CTNNA3: variants seen among roughly 807,000 people sequenced by gnomAD.
The protein encoded by CTNNA3 is catenin alpha-3.
CTNNA3 carries 76 observed loss-of-function variants against 95.7 expected under a neutral mutation model. That is an observed-to-expected ratio of 0.79 (90% CI 0.66 to 0.96). The LOEUF (loss-of-function observed/expected upper bound fraction) is 0.96. Ranked by LOEUF, CTNNA3 falls within the 40% of genes least tolerant of loss-of-function variation. The pLI is 0.00. For synonymous variants in CTNNA3, 431 were observed against 374.4 expected (o/e 1.15, Z -1.74); for missense variants, 1,191 against 1,089.8 (o/e 1.09, Z -1.31).
At chr10:67,333,051 A>C (rs1841857452) in intron 5 of CTNNA3, among the ~76,000 whole-genome samples, 1 of 152,238 alleles carries the variant, frequency 6.6e-6, no homozygotes, top group Non-Finnish European at 1.5e-5. Flanking sequence ...GATCAGAAAG[A>C]ATAGTCTACA....
intron 9 of CTNNA3, among the ~76,000 whole-genome samples, chr10:66,673,849 G>GT (rs2132479495): frequency 6.6e-6 from 1 of 152,108 alleles, no homozygotes; most frequent in South Asian, 2.1e-4. Flanking sequence ...CAAATTTAGA[G>GT]TGTCAGATTA....
intron 7 of CTNNA3, among the ~76,000 whole-genome samples, chr10:67,134,315 T>C (rs1195976536): frequency 6.6e-6 from 1 of 151,918 alleles, no homozygotes; most frequent in African/African-American, 2.4e-5. Context: ...CATTGAAAAA[T>C]GTAGAGAAGT....
chr10:66,378,170 T>C (rs1160131740), intron 12 of CTNNA3, among the ~76,000 whole-genome samples: 2 of 152,162 alleles, frequency 1.3e-5, no homozygotes, highest in African/African-American at 2.4e-5. Context: ...TTTCTCTTAA[T>C]TCATTTCAAG....
chr10:66,917,091 C>A (rs1031042632), intron 7 of CTNNA3, among the ~76,000 whole-genome samples: 2 of 152,196 alleles, frequency 1.3e-5, no homozygotes, highest in Non-Finnish European at 2.9e-5. Flanking sequence ...ACCATCTCAT[C>A]AACAAGAATG....
intron 13 of CTNNA3, among the ~76,000 whole-genome samples, chr10:66,159,342 A>G (rs1438876286): frequency 1.3e-5 from 2 of 151,924 alleles, no homozygotes; most frequent in Non-Finnish European, 2.9e-5. Context: ...TTGTATGCCA[A>G]TTTTGCTTTG....
intron 1 of CTNNA3, among the ~76,000 whole-genome samples, chr10:67,654,123 A>G (rs1472128088): frequency 1.3e-5 from 2 of 152,202 alleles, no homozygotes; most frequent in Non-Finnish European, 2.9e-5. Context: ...AGAACAGGCC[A>G]TGTGTCAGGG....
chr10:66,231,025 A>C (rs956335303), intron 13 of CTNNA3, among the ~76,000 whole-genome samples: 1 of 152,108 alleles, frequency 6.6e-6, no homozygotes, highest in Non-Finnish European at 1.5e-5. Context: ...TTCTCTAAAA[A>C]TGGGGCCATG....
intron 1 of CTNNA3, among the ~76,000 whole-genome samples, chr10:67,702,997 C>A (rs1382551406): frequency 6.6e-6 from 1 of 152,186 alleles, no homozygotes; most frequent in Non-Finnish European, 1.5e-5. Context: ...ACTACAAACA[C>A]CTCTACGCAA....
chr10:67,583,962 A>C (rs936619392), intron 3 of CTNNA3, among the ~76,000 whole-genome samples: 14 of 152,106 alleles, frequency 9.2e-5, no homozygotes, highest in Non-Finnish European at 1.9e-4. Flanking sequence ...CCATTTGTCT[A>C]ATCTTTTTTC....
At chr10:67,178,856 A>G (rs1021067747) in intron 7 of CTNNA3, among the ~76,000 whole-genome samples, 41 of 152,064 alleles carry the variant, frequency 2.7e-4, no homozygotes, top group African/African-American at 9.9e-4. Flanking sequence ...TTAAGAATAT[A>G]TTATATGCTA....
chr10:67,277,221 A>G (rs1306841371), intron 5 of CTNNA3, among the ~76,000 whole-genome samples: 4 of 152,144 alleles, frequency 2.6e-5, no homozygotes, highest in African/African-American at 9.7e-5. Flanking sequence ...TACCATGGCA[A>G]TCCCTGTGGT....
At position 66,948,662 on chromosome 10, in the gene CTNNA3, G is replaced by A. The variant is rs571534979; in HGVS notation, c.1048-173138C>T. Among the ~76,000 whole-genome samples, 5 of 152,246 alleles carry A rather than the reference G, an allele frequency of 3.3e-5. No individual in the cohort carries two copies. In the East Asian group the frequency reaches 7.7e-4, roughly 23 times the overall value. ...AGGAAGAATACCACAAGGACATGGGGTGTTCTATCCTGGACTGGTAAACCA... is the reference window on the plus strand; with the variant it reads ...AGGAAGAATACCACAAGGACATGGGATGTTCTATCCTGGACTGGTAAACCA... On this transcript the variant is annotated intron_variant, in intron 7 of 17. Coordinates refer to ENST00000433211, the MANE Select transcript of CTNNA3 (RefSeq NM_013266.4).
chr10:67,246,690 C>G lies in CTNNA3; in HGVS notation c.580-26820G>C, dbSNP rs1865921486. Among the ~76,000 whole-genome samples the G allele has an allele frequency of 2.0e-5, 3 of 152,140 alleles. No individual in the cohort carries two copies. In the South Asian group the frequency reaches 6.2e-4, roughly 32 times the overall value. ...CTACAGTTCAACAGTAAATTTTGAGCATTACCCAAATTCATGGGACACTTA... is the reference window on the plus strand; with the variant it reads ...CTACAGTTCAACAGTAAATTTTGAGGATTACCCAAATTCATGGGACACTTA... On this transcript the variant is annotated intron_variant, in intron 5 of 17. Transcript: ENST00000433211.
chr10:66,204,516 C>T (rs1375959061), intron 13 of CTNNA3, among the ~76,000 whole-genome samples: 1 of 152,144 alleles, frequency 6.6e-6, no homozygotes, highest in Admixed American at 6.6e-5. Flanking sequence ...AAAGTTTTGG[C>T]ATGCTACAAA....
rs560299473 is a variant in CTNNA3, at chr10:67,122,008, A to G, written c.1047+58309T>C. Among the ~76,000 whole-genome samples, 5 of 148,824 alleles carry G rather than the reference A, an allele frequency of 3.4e-5. No homozygotes were observed. In the South Asian group the frequency reaches 1.1e-3, roughly 32 times the overall value. ...AAAAAAAAAAAAAAAAAAAAAAAAA[A>G]GCTGAGGGCCAGATTTGGCCAACTT... On this transcript the variant is annotated intron_variant, in intron 7 of 17. Coordinates refer to ENST00000433211, the MANE Select transcript of CTNNA3 (RefSeq NM_013266.4).
At chr10:67,171,373 G>A (rs776875509) in intron 7 of CTNNA3, among the ~76,000 whole-genome samples, 5 of 152,066 alleles carry the variant, frequency 3.3e-5, no homozygotes, top group Admixed American at 6.6e-5. Context: ...TTGGGAGTTC[G>A]AGACCAGCCT....
intron 7 of CTNNA3, among the ~76,000 whole-genome samples, chr10:67,069,413 T>C (rs1047873288): frequency 1.3e-5 from 2 of 152,124 alleles, no homozygotes; most frequent in African/African-American, 4.8e-5. Flanking sequence ...AAAACGCTCA[T>C]TGTAATTAAC....
At chr10:66,195,322 T>C (rs1248326326) in intron 13 of CTNNA3, among the ~76,000 whole-genome samples, 1 of 152,230 alleles carries the variant, frequency 6.6e-6, no homozygotes, top group African/African-American at 2.4e-5. Flanking sequence ...TTACAGCTGC[T>C]ATATGATATA....
At chr10:66,256,360 A>T (rs2090773710) in intron 13 of CTNNA3, among the ~76,000 whole-genome samples, 1 of 151,952 alleles carries the variant, frequency 6.6e-6, no homozygotes, top group Non-Finnish European at 1.5e-5. Flanking sequence ...AGACCCACAA[A>T]CTCCTTTTCC....
Sources: allele counts gnomAD v4.1 joint callset (sites outside exome capture counted in the v4.1 genomes callset), GRCh38; gene constraint gnomAD v4.1.1; transcripts MANE v1.5; gene names NCBI Gene and HGNC (gene_info 2026-07-23, HGNC 2026-07-21).